CDH23: variants seen among roughly 807,000 people sequenced by gnomAD.
CDH23 encodes cadherin-23.
Under a neutral mutation model 317.1 loss-of-function variants are expected in CDH23, and 189 were observed. The ratio of observed to expected loss-of-function variants is 0.60; its 90% CI spans 0.53 to 0.67. The LOEUF is 0.67. Among genes scored for constraint, CDH23 ranks in the 30% least tolerant of loss-of-function variants. CDH23 has a pLI of 0.00. For synonymous variants in CDH23, 1,839 were observed against 1,876.8 expected (o/e 0.98, Z 0.52); for missense variants, 4,401 against 4,592.4 (o/e 0.96, Z 1.20).
At chr10:71,412,672 C>T (rs976051742) in intron 1 of CDH23, among the ~76,000 whole-genome samples, 4 of 152,156 alleles carry the variant, frequency 2.6e-5, no homozygotes, top group Non-Finnish European at 4.4e-5. Flanking sequence ...CTGCACCCAG[C>T]TAATTTTTTG....
At chr10:71,431,308 C>T (rs1315749342) in intron 1 of CDH23, among the ~76,000 whole-genome samples, 2 of 152,232 alleles carry the variant, frequency 1.3e-5, no homozygotes, top group African/African-American at 4.8e-5. Context: ...CGTGCCCTGC[C>T]TTCCTGCCCC....
At chr10:71,657,920 T>C (rs1354565485) in intron 14 of CDH23, among the ~76,000 whole-genome samples, 1 of 151,336 alleles carries the variant, frequency 6.6e-6, no homozygotes, top group African/African-American at 2.4e-5. Context: ...GAGGGACACA[T>C]ACACACACAC....
chr10:71,487,226 T>C (rs1338686472), intron 3 of CDH23, among the ~76,000 whole-genome samples: 1 of 152,190 alleles, frequency 6.6e-6, no homozygotes, highest in African/African-American at 2.4e-5. Flanking sequence ...CTACTACGTG[T>C]GTAAAAAAGA....
intron 30 of CDH23, among the ~76,000 whole-genome samples, chr10:71,727,387 C>T (rs1866862786): frequency 6.6e-6 from 1 of 152,248 alleles, no homozygotes; most frequent in Admixed American, 6.5e-5. Flanking sequence ...AATTTGAGGG[C>T]TGGCCCCTGG....
intron 9 of CDH23, among the ~76,000 whole-genome samples, chr10:71,590,043 T>G (rs1859364030): frequency 6.6e-6 from 1 of 152,176 alleles, no homozygotes; most frequent in Non-Finnish European, 1.5e-5. Context: ...AGCCCATTTT[T>G]CTCCACCGCT....
chr10:71,625,334 A>G (rs999770413), intron 11 of CDH23, among the ~76,000 whole-genome samples: 1 of 150,198 alleles, frequency 6.7e-6, no homozygotes, highest in African/African-American at 2.4e-5. Flanking sequence ...TTTGAGGGGC[A>G]TAGAAAAAAA....
In CDH23 at chr10:71,657,631, G is replaced by A. The variant is rs912624006; in HGVS notation, c.1449+11014G>A. On this transcript the variant is annotated intron_variant, in intron 14 of 69. Coordinates refer to ENST00000224721, the MANE Select transcript of CDH23 (RefSeq NM_022124.6). Reference sequence around the variant, plus strand: ...TCAGAGCAGGGTAGACAGCCCTTGCGCCTCTGCCCAAGAATCATCAGAAGC... The same window carrying A: ...TCAGAGCAGGGTAGACAGCCCTTGCACCTCTGCCCAAGAATCATCAGAAGC... 1.2e-4 allele frequency among the ~76,000 whole-genome samples: 19 copies of A among 152,266 alleles called. 1 individual carries two copies. The highest frequency in any genetic ancestry group is 1.5e-4 in the Non-Finnish European group (10 of 68,024).
intron 9 of CDH23, among the ~76,000 whole-genome samples, chr10:71,590,438 C>A (rs887450794): frequency 6.6e-6 from 1 of 152,200 alleles, no homozygotes; most frequent in African/African-American, 2.4e-5. Flanking sequence ...CCTCCTACCC[C>A]CTTTGACTGC....
At chr10:71,512,991 G>A (rs928082340) in intron 6 of CDH23, among the ~76,000 whole-genome samples, 1 of 152,166 alleles carries the variant, frequency 6.6e-6, no homozygotes, top group African/African-American at 2.4e-5. Flanking sequence ...ATGTGTTTGG[G>A]CATGTCACTT....
At chr10:71,683,778 G>A (rs1864755469) in intron 18 of CDH23, among the ~76,000 whole-genome samples, 1 of 152,110 alleles carries the variant, frequency 6.6e-6, no homozygotes. Context: ...GGAGGACAGG[G>A]ACCAGGAGAT....
Position 71,613,385 on chromosome 10 carries a change from A to G in CDH23, c.833-2119A>G, listed in dbSNP as rs1423498436. ...TGGCTGGGAAAGGAAGCCTTAGGCAAGGGGATAGCTACAGTGACACCCCCT... is the reference window on the plus strand; with the variant it reads ...TGGCTGGGAAAGGAAGCCTTAGGCAGGGGGATAGCTACAGTGACACCCCCT... On this transcript the variant is annotated intron_variant, in intron 9 of 69. Coordinates refer to ENST00000224721, the MANE Select transcript of CDH23 (RefSeq NM_022124.6). Among the ~76,000 whole-genome samples the G allele has an allele frequency of 1.4e-4, 21 of 152,340 alleles. No homozygotes were observed. The East Asian group carries it at 3.5e-3, about 25-fold the overall frequency.
intron 6 of CDH23, among the ~76,000 whole-genome samples, chr10:71,529,220 C>G (rs1191960780): frequency 6.6e-6 from 1 of 152,196 alleles, no homozygotes; most frequent in African/African-American, 2.4e-5. Flanking sequence ...GGTCCTCCGA[C>G]CTCACTTTGA....
At chr10:71,451,639 G>C (rs1048824850) in intron 3 of CDH23, among the ~76,000 whole-genome samples, 3 of 152,308 alleles carry the variant, frequency 2.0e-5, no homozygotes, top group East Asian at 1.9e-4. Context: ...CCTTGTTGGG[G>C]GTTAAGTGCT....
chr10:71,651,632 A>G (rs1304826078), intron 14 of CDH23, among the ~76,000 whole-genome samples: 5 of 151,534 alleles, frequency 3.3e-5, no homozygotes, highest in African/African-American at 1.2e-4. Context: ...GACGTGTGTG[A>G]TGTGTGGGGA....
chr10:71,566,922 A>G lies in CDH23; in HGVS notation c.610A>G (p.Thr204Ala). ...CGAGACCACACAGGCCTACCAGCTC[A>G]CGGTCAACGCCACAGTGAGTCTCCA... ...DYETTQAYQLTVNATDQDKTR... is the reference protein window; with the variant it reads ...DYETTQAYQLAVNATDQDKTR... Residue 204 changes from threonine to alanine, a missense_variant, in exon 7 of 70, where the codon ACG (threonine) becomes GCG (alanine). Transcript: ENST00000224721. 6.2e-7 allele frequency: 1 copy of G among 1,609,946 alleles called. No individual in the cohort carries two copies. The highest frequency in any genetic ancestry group is 8.5e-7 in the Non-Finnish European group (1 of 1,177,282).
At chr10:71,697,718 A>C (rs1198584880) in intron 22 of CDH23, among the ~76,000 whole-genome samples, 1 of 151,592 alleles carries the variant, frequency 6.6e-6, no homozygotes, top group African/African-American at 2.4e-5. Flanking sequence ...GGGGAGTGTC[A>C]TGTCACTCTT....
intron 9 of CDH23, among the ~76,000 whole-genome samples, chr10:71,602,899 A>G (rs1261413792): frequency 6.6e-6 from 1 of 152,206 alleles, no homozygotes; most frequent in East Asian, 1.9e-4. Context: ...CAAGCCCCAA[A>G]TGATGAAACC....
chr10:71,540,847 C>G (rs924326426), intron 6 of CDH23, among the ~76,000 whole-genome samples: 3 of 151,848 alleles, frequency 2.0e-5, no homozygotes, highest in African/African-American at 7.3e-5. Flanking sequence ...GAGCTAAGAC[C>G]AGGACAAGGT....
intron 19 of CDH23, among the ~76,000 whole-genome samples, chr10:71,688,619 G>A (rs1215269164): frequency 1.4e-5 from 2 of 143,830 alleles, no homozygotes; most frequent in Admixed American, 6.8e-5. Flanking sequence ...AGCCAGGGGT[G>A]GTGGAGCCAG....
Sources: gnomAD v4.1 joint callset for allele counts (sites outside exome capture counted in the v4.1 genomes callset) on GRCh38, gnomAD v4.1.1 for gene constraint, MANE v1.5 for transcripts, NCBI Gene and HGNC (gene_info 2026-07-23, HGNC 2026-07-21) for gene names.